STK4: variants seen among roughly 807,000 people sequenced by gnomAD.
STK4 encodes serine/threonine-protein kinase 4.
Under a neutral mutation model 64.9 loss-of-function variants are expected in STK4, and 30 were observed. The ratio of observed to expected loss-of-function variants is 0.46; its 90% CI spans 0.35 to 0.63. STK4 has a LOEUF of 0.63. Among genes scored for constraint, STK4 ranks in the 20% least tolerant of loss-of-function variants. The probability of loss-of-function intolerance (pLI) is 0.01; values close to 1 mark genes in which losing one functional copy is unlikely to be tolerated. For synonymous variants in STK4, 177 were observed against 199.0 expected (o/e 0.89, Z 0.93); for missense variants, 466 against 598.5 (o/e 0.78, Z 2.31).
In STK4 at chr20:45,000,506, G is replaced by T. The variant is rs374601797; in HGVS notation, c.946G>T (p.Asp316Tyr). 1.4e-5 allele frequency: 23 copies of T among 1,613,878 alleles called. No homozygotes were observed. The highest frequency in any genetic ancestry group is 9.9e-5 in the South Asian group (9 of 91,080). Residue 316 changes from aspartate (D) to tyrosine (Y), a missense_variant, in exon 8 of 11, where the codon GAT (aspartate) becomes TAT (tyrosine). Coordinates refer to ENST00000372806, the MANE Select transcript of STK4 (RefSeq NM_006282.5). The part of the protein sequence containing the change: ...ESQQREVDQD[D>Y]EENSEEDEMD... ...CCAGCAGCGGGAAGTGGACCAGGACGATGAAGAAAACTCAGTGAGTGGCAG... is the reference window on the plus strand; with the variant it reads ...CCAGCAGCGGGAAGTGGACCAGGACTATGAAGAAAACTCAGTGAGTGGCAG...
chr20:44,983,213 G>T (rs1270073113), intron 4 of STK4, among the ~76,000 whole-genome samples: 1 of 152,168 alleles, frequency 6.6e-6, no homozygotes, highest in Non-Finnish European at 1.5e-5. Context: ...GATATTGCAG[G>T]TCATGGGAAT....
intron 9 of STK4, among the ~76,000 whole-genome samples, chr20:45,012,906 C>G (rs2068077567): frequency 6.7e-6 from 1 of 148,294 alleles, no homozygotes; most frequent in Admixed American, 6.7e-5. Context: ...GCCTCAGCCA[C>G]CTGAGTAGCT....
Position 45,075,266 on chromosome 20 carries a change from C to T in STK4, c.*90C>T. The stretch of plus-strand genomic sequence containing the variant: ...TCATGTTTGTTAGCCAGCACTTCTG[C>T]TCTGTCGTCTCTCCACAGCACCTTT... On this transcript the variant is annotated 3_prime_UTR_variant, in exon 11 of 11. Coordinates refer to ENST00000372806, the MANE Select transcript of STK4 (RefSeq NM_006282.5). The T allele has an allele frequency of 6.7e-7, 1 of 1,493,016 alleles. No individual in the cohort carries two copies. Among genetic ancestry groups the T allele is most frequent in the South Asian group, 1.3e-5 (1 of 79,348 alleles). 92.5% of individuals were successfully genotyped at this position (1,493,016 alleles called of 1,614,324 possible).
intron 2 of STK4, chr20:44,974,184 G>A (rs2067299606): frequency 6.6e-6 from 1 of 152,172 alleles, no homozygotes; most frequent in Non-Finnish European, 1.5e-5. Context: ...CAAAGTGCTA[G>A]GATTAGAGAC....
At chr20:44,995,346 G>A (rs147377005) in intron 6 of STK4, 89 bp downstream of exon 6, 41 of 1,453,714 alleles carry the variant, frequency 2.8e-5, no homozygotes, top group Middle Eastern at 2.0e-4. Flanking sequence ...TGGCTCACAC[G>A]TGTAATCCCA....
intron 9 of STK4, among the ~76,000 whole-genome samples, chr20:45,007,521 C>T (rs371227506): frequency 0.023 from 3,471 of 150,868 alleles, 116 homozygotes; most frequent in African/African-American, 0.07. Flanking sequence ...CACTCCAGCC[C>T]GGGTGACAGA....
intron 10 of STK4, among the ~76,000 whole-genome samples, chr20:45,074,083 C>G (rs761575158): frequency 3.3e-5 from 5 of 152,200 alleles, no homozygotes; most frequent in African/African-American, 4.8e-5. Context: ...TGGTTAAGAG[C>G]ATAGACTCTA....
At chr20:45,073,578 A>G (rs1410683137) in intron 10 of STK4, among the ~76,000 whole-genome samples, 1 of 152,208 alleles carries the variant, frequency 6.6e-6, no homozygotes, top group Non-Finnish European at 1.5e-5. Flanking sequence ...TGGGCACAAC[A>G]GACCTCTTGT....
chr20:45,058,694 A>G (rs184821947), intron 10 of STK4, among the ~76,000 whole-genome samples: 6 of 152,270 alleles, frequency 3.9e-5, no homozygotes, highest in African/African-American at 1.2e-4. Context: ...CATAGCTCGC[A>G]GGGTTTCTTA....
intron 10 of STK4, among the ~76,000 whole-genome samples, chr20:45,051,358 GTTTC>G (rs2068774360): frequency 6.6e-6 from 1 of 152,102 alleles, no homozygotes; most frequent in African/African-American, 2.4e-5. Context: ...TTTCTCTTTA[GTTTC>G]TTTCTTTTCT....
At chr20:45,011,731 T>TATATATATATATATATATATATATATATA (rs1428985946) in intron 9 of STK4, among the ~76,000 whole-genome samples, 5 of 81,164 alleles carry the variant, frequency 6.2e-5, no homozygotes, top group Non-Finnish European at 9.4e-5. Context: ...ATATATATAT[T>TATATATATATATATATATATATATATATA]TTTTTTTTTT....
At chr20:44,999,746 G>T (rs927662265) in intron 7 of STK4, among the ~76,000 whole-genome samples, 3 of 152,160 alleles carry the variant, frequency 2.0e-5, no homozygotes, top group Admixed American at 2.0e-4. Flanking sequence ...TGCAGCAACT[G>T]CATTTTTGCA....
chr20:45,004,939 T>A (rs950167083), intron 9 of STK4, among the ~76,000 whole-genome samples: 2 of 151,784 alleles, frequency 1.3e-5, no homozygotes, highest in African/African-American at 4.8e-5. Context: ...CAGCCAATTT[T>A]TTTTTGTATT....
chr20:45,065,567 A>G (rs1342045598), intron 10 of STK4, among the ~76,000 whole-genome samples: 2 of 151,628 alleles, frequency 1.3e-5, no homozygotes, highest in African/African-American at 2.4e-5. Flanking sequence ...ATTGGTACCA[A>G]CTCTTCCTTA....
At chr20:44,994,358 T>G (rs921617456) in intron 5 of STK4, among the ~76,000 whole-genome samples, 1 of 151,768 alleles carries the variant, frequency 6.6e-6, no homozygotes, top group Non-Finnish European at 1.5e-5. Context: ...TTATTATTGT[T>G]ATGATCATCA....
At chr20:45,064,676 CTT>C (rs1160444320) in intron 10 of STK4, among the ~76,000 whole-genome samples, 1 of 152,112 alleles carries the variant, frequency 6.6e-6, no homozygotes, top group Non-Finnish European at 1.5e-5. Context: ...ATTCACATAT[CTT>C]TTATTTCCCT....
intron 3 of STK4, among the ~76,000 whole-genome samples, chr20:44,979,606 A>G (rs1466250466): frequency 6.6e-6 from 1 of 152,218 alleles, no homozygotes; most frequent in Non-Finnish European, 1.5e-5. Flanking sequence ...TTGAAGCTGC[A>G]TTCATTCTTC....
rs541937227 is a variant in STK4 at position 45,011,551 on chromosome 20, A to C, written c.1147+10198A>C. Among the ~76,000 whole-genome samples the C allele has an allele frequency of 6.6e-5, 10 of 151,750 alleles. No individual in the cohort carries two copies. The South Asian group carries it at 2.1e-3, about 32-fold the overall frequency. The stretch of plus-strand genomic sequence containing the variant: ...CTTCCCAGATTTCTCAGTGGACTTG[A>C]CACAATTGGTGTTCTTTTTCTGTAG... On this transcript the variant is annotated intron_variant, in intron 9 of 10. Coordinates refer to ENST00000372806, the MANE Select transcript of STK4 (RefSeq NM_006282.5).
At chr20:45,018,202 A>G (rs1381781999) in intron 9 of STK4, among the ~76,000 whole-genome samples, 1 of 151,930 alleles carries the variant, frequency 6.6e-6, no homozygotes, top group East Asian at 1.9e-4. Flanking sequence ...GGATTACCAG[A>G]GTTGTTGTTG....
Sources: gnomAD v4.1 joint callset for allele counts (sites outside exome capture counted in the v4.1 genomes callset) on GRCh38, gnomAD v4.1.1 for gene constraint, MANE v1.5 for transcripts, NCBI Gene and HGNC (gene_info 2026-07-23, HGNC 2026-07-21) for gene names.